Variants in GTPBP8 observed in about 807,000 individuals in gnomAD.
GTPBP8 encodes the protein GTP binding protein 8.
In GTPBP8, 21 loss-of-function variants were observed where a neutral mutation model predicts 27.3. That is an observed-to-expected ratio of 0.77 (90% CI 0.55 to 1.11). The LOEUF is 1.11. Among genes scored for constraint, GTPBP8 ranks in the 50% least tolerant of loss-of-function variants. The pLI is 0.00. For synonymous variants in GTPBP8, 147 were observed against 135.3 expected, an observed-to-expected ratio of 1.09 and a Z score of -0.60; for missense variants, 380 against 350.8, an observed-to-expected ratio of 1.08 and a Z score of -0.67.
chr3:112,998,061 G>A (rs192687352), intron 4 of GTPBP8, among the ~76,000 whole-genome samples: 319 of 152,302 alleles, frequency 2.1e-3, no homozygotes, highest in Non-Finnish European at 3.5e-3. Context: ...CAAGTCATTA[G>A]AAACCACACA....
At chr3:112,996,834 G>T in intron 3 of GTPBP8, 58 bp from the exon 4 acceptor site, 1 of 782,616 alleles carries the variant, frequency 1.3e-6, no homozygotes, top group Non-Finnish European at 2.3e-6. Flanking sequence ...AGGAAGAGGG[G>T]ATAAATGAAT....
In GTPBP8 at chr3:112,993,739, G is replaced by A. The variant is rs556781330; in HGVS notation, c.435+615G>A. 2.0e-5 allele frequency among the ~76,000 whole-genome samples: 3 copies of A among 152,244 alleles called. No individual in the cohort carries two copies. The East Asian group carries it at 5.8e-4, about 29-fold the overall frequency. On this transcript the variant is annotated intron_variant, in intron 2 of 5. Transcript: ENST00000383678. ...CAACCCTAATGTTCACTATCCCTGT[G>A]TATGTGCGTGCACGAACGCACACAC...
In GTPBP8 at chr3:112,996,940, AAC is replaced by A. The variant is rs970043146; in HGVS notation, c.617_618del (p.Thr206ArgfsTer9). The A allele has an allele frequency of 6.9e-6, 11 of 1,583,682 alleles. No homozygotes were observed. Among genetic ancestry groups the A allele is most frequent in the Non-Finnish European group, 9.5e-6 (11 of 1,153,392 alleles). On this transcript the variant is annotated frameshift_variant, in exon 4 of 6. Coordinates refer to ENST00000383678, the MANE Select transcript of GTPBP8 (RefSeq NM_014170.4). LOFTEE classifies it high-confidence loss of function. ...LVDSVVGIQK[T>X]DNIAIEMCEE... Reference sequence around the variant, plus strand: ...TGGATAGCGTTGTTGGAATTCAAAAAACAGACAATATTGCCATAGAAATGTGT... The same window carrying A: ...TGGATAGCGTTGTTGGAATTCAAAAAAGACAATATTGCCATAGAAATGTGT...
At chr3:112,999,712 A>T in intron 5 of GTPBP8, 148 bp downstream of exon 5, 1 of 558,592 alleles carries the variant, frequency 1.8e-6, no homozygotes, top group South Asian at 2.7e-5. Context: ...ATTTTAGTGC[A>T]CCCATCACCT....
chr3:112,992,415 C>G (rs925690302), intron 1 of GTPBP8: 5 of 152,366 alleles, frequency 3.3e-5, no homozygotes, highest in African/African-American at 1.2e-4. Flanking sequence ...ATTGTACCCC[C>G]TCCCCCAATA....
chr3:112,991,489 C>T (rs1249299214), intron 1 of GTPBP8, 154 bp downstream of exon 1: 3 of 744,080 alleles, frequency 4.0e-6, no homozygotes, highest in African/African-American at 3.5e-5. Flanking sequence ...TGTCGATGCT[C>T]CCTGTACGTG....
chr3:112,994,416 T>C (rs1933746027), intron 2 of GTPBP8, among the ~76,000 whole-genome samples: 2 of 146,204 alleles, frequency 1.4e-5, no homozygotes, highest in South Asian at 2.1e-4. Flanking sequence ...AGAGTGAAAC[T>C]CTGTCTCAAA....
chr3:112,997,390 C>T (rs1337242030), intron 4 of GTPBP8, among the ~76,000 whole-genome samples: 1 of 152,116 alleles, frequency 6.6e-6, no homozygotes, highest in African/African-American at 2.4e-5. Flanking sequence ...AGTTGCTTAA[C>T]TAATTTAAAA....
At chr3:112,991,595 CAG>C in intron 1 of GTPBP8, 1 of 666,510 alleles carries the variant, frequency 1.5e-6, no homozygotes, top group East Asian at 3.0e-5. Context: ...CCACTGTAAG[CAG>C]AGACTGCCTG....
chr3:113,000,333 T>G (rs1933868574), intron 5 of GTPBP8, among the ~76,000 whole-genome samples: 1 of 151,976 alleles, frequency 6.6e-6, no homozygotes. Context: ...GCCATTGCAC[T>G]CCAGCCTGGG....
At chr3:112,993,414 A>G (rs528610131) in intron 2 of GTPBP8, among the ~76,000 whole-genome samples, 102 of 152,216 alleles carry the variant, frequency 6.7e-4, no homozygotes, top group African/African-American at 2.3e-3. Flanking sequence ...ATTTCCTCCT[A>G]TAACAGTGAT....
At chr3:112,995,303 A>AC (rs146384448) in intron 3 of GTPBP8, 38 bp downstream of exon 3, 43,656 of 1,401,188 alleles carry the variant, frequency 0.031, 812 homozygotes, top group South Asian at 0.051. Context: ...TATACATTTA[A>AC]CCCCAAAGCA....
rs1414708913 is a variant in GTPBP8 at position 113,001,157 on chromosome 3, T to C, written c.*238T>C. 8 of 385,792 alleles carry C rather than the reference T, an allele frequency of 2.1e-5. No homozygotes were observed. The highest frequency in any genetic ancestry group is 3.3e-5 in the Non-Finnish European group (7 of 214,758). The allele number at this position is 385,792 out of a possible 1,614,324, so 23.9% of individuals were successfully genotyped here. A position where few individuals can be genotyped will look rare whatever the true frequency, so the allele number is the denominator to read the frequency against. On this transcript the variant is annotated 3_prime_UTR_variant, in exon 6 of 6. Transcript: ENST00000383678. ...TAGAACAGCTACTAGCTGATTCCCCTATTTTAACAAACTGACAAGAGCACA... is the reference window on the plus strand; with the variant it reads ...TAGAACAGCTACTAGCTGATTCCCCCATTTTAACAAACTGACAAGAGCACA...
intron 2 of GTPBP8, among the ~76,000 whole-genome samples, chr3:112,993,763 A>G (rs1933731632): frequency 6.6e-6 from 1 of 152,016 alleles, no homozygotes; most frequent in South Asian, 2.1e-4. Context: ...GAACGCACAC[A>G]CACCCCTTTC....
At position 112,999,497 on chromosome 3, in the gene GTPBP8, G is replaced by A. The variant is rs775325808; in HGVS notation, c.718G>A (p.Val240Met). ...TTCCAAGGGACATCTTTTAAAACAAGTGCTTCAGATCCAGAAATTTGTTAA... is the reference window on the plus strand; with the variant it reads ...TTCCAAGGGACATCTTTTAAAACAAATGCTTCAGATCCAGAAATTTGTTAA... ...KSSKGHLLKQ[V>M]LQIQKFVNMK... Residue 240 changes from valine (V) to methionine (M), a missense_variant, in exon 5 of 6, where the codon GTG becomes ATG. Val to Met is a conservative substitution (Grantham distance 21). Transcript: ENST00000383678. 6.8e-5 allele frequency: 105 copies of A among 1,549,226 alleles called. No individual in the cohort carries two copies. The highest frequency in any genetic ancestry group is 8.6e-5 in the Non-Finnish European group (98 of 1,136,942).
Position 112,994,414 on chromosome 3 carries a change from ACT to A in GTPBP8, c.436-718_436-717del, listed in dbSNP as rs990730188. On this transcript the variant is annotated intron_variant, in intron 2 of 5. Coordinates refer to ENST00000383678, the MANE Select transcript of GTPBP8 (RefSeq NM_014170.4). ...CTCCAGCCTGGACAACAAGAGTGAA[ACT>A]CTGTCTCAAAAAAAAAAAAAAAAAA... 2.0e-5 allele frequency among the ~76,000 whole-genome samples: 3 copies of A among 146,698 alleles called. No individual in the cohort carries two copies. The Admixed American group carries it at 2.1e-4, about 10-fold the overall frequency.
In GTPBP8 at chr3:113,001,960, T is replaced by C. The variant is rs1933923952; in HGVS notation, c.*1041T>C. On this transcript the variant is annotated 3_prime_UTR_variant, in exon 6 of 6. Coordinates refer to ENST00000383678, the MANE Select transcript of GTPBP8 (RefSeq NM_014170.4). ...GTATTGCTGGATAACAAATTAAAGC[T>C]ATAAACCAACTTCGTGGCTTTTCTT... 1 of 152,222 alleles carries C rather than the reference T, an allele frequency of 6.6e-6. No homozygotes were observed. The highest frequency in any genetic ancestry group is 2.4e-5 in the African/African-American group (1 of 41,458). 9.4% of individuals were successfully genotyped at this position (152,222 alleles called of 1,614,324 possible). A position where few individuals can be genotyped will look rare whatever the true frequency, so the allele number is the denominator to read the frequency against.
intron 5 of GTPBP8, among the ~76,000 whole-genome samples, chr3:113,000,282 C>T (rs1024050444): frequency 1.3e-5 from 2 of 151,958 alleles, no homozygotes; most frequent in African/African-American, 4.8e-5. Flanking sequence ...CCTGTAATCC[C>T]AGCTGCTCGG....
intron 3 of GTPBP8, among the ~76,000 whole-genome samples, chr3:112,995,763 C>T (rs1933773747): frequency 6.6e-6 from 1 of 152,138 alleles, no homozygotes; most frequent in African/African-American, 2.4e-5. Context: ...TCTCGAACTC[C>T]TGACCTCAGG....
Sources: gnomAD v4.1 joint callset for allele counts (sites outside exome capture counted in the v4.1 genomes callset) on GRCh38, gnomAD v4.1.1 for gene constraint, MANE v1.5 for transcripts, NCBI Gene and HGNC (gene_info 2026-07-23, HGNC 2026-07-21) for gene names.